ZNF479: variants seen among roughly 807,000 people sequenced by gnomAD.
ZNF479 encodes the protein zinc finger protein 479, also known as KRAB zinc finger protein KR19.
Under a neutral mutation model 14.7 loss-of-function variants are expected in ZNF479, and 15 were observed. The ratio of observed to expected loss-of-function variants is 1.02; its 90% CI spans 0.68 to 1.57. The LOEUF (loss-of-function observed/expected upper bound fraction) is 1.57, where lower values mean the gene tolerates loss of function less well. ZNF479 is among the 40% of genes most tolerant of loss of function. The probability of loss-of-function intolerance (pLI) is 0.00; values close to 1 mark genes in which losing one functional copy is unlikely to be tolerated. For missense variants in ZNF479, 506 were observed against 615.1 expected, an observed-to-expected ratio of 0.82 and a Z score of 1.88; for synonymous variants, 145 against 211.5, an observed-to-expected ratio of 0.69 and a Z score of 2.73.
In ZNF479 at chr7:57,120,336, T is replaced by C. The variant is rs781953037; in HGVS notation, c.1079A>G (p.Gln360Arg). 4.2e-5 allele frequency: 68 copies of C among 1,612,230 alleles called. 3 individuals are homozygous for C. In the South Asian group the frequency reaches 7.4e-4, roughly 17 times the overall value. Residue 360 changes from glutamine to arginine, a missense_variant, in exon 4 of 4, where the codon CAA (glutamine) becomes CGA (arginine). Physicochemically the swap from Gln to Arg is conservative, Grantham distance 43. Coordinates refer to ENST00000319636, the MANE Select transcript of ZNF479 (RefSeq NM_001370129.2). ...EKPYACEECG[Q>R]AFSLSSNLMR... ...AAGGTTCGAGGATAAGCTAAAGGCT[T>C]GGCCACATTCTTCACAGGCATAGGG...
chr7:57,125,297 T>C (rs1786110019), intron 3 of ZNF479, among the ~76,000 whole-genome samples: 2 of 152,078 alleles, frequency 1.3e-5, no homozygotes, highest in South Asian at 2.1e-4. Context: ...CTATGTAAGT[T>C]GTTTTTTATG....
chr7:57,126,596 G>T lies in ZNF479; in HGVS notation c.162C>A (p.Ser54=). ...VMLENYRNLV[S]LGIAVSKPDL... ...ATGTACTGAAGTTATCCTCACCCAG[G>T]GAGACCAGGTTTCTGTAGTTCTCTA... Residue 54 remains serine, a synonymous_variant, in exon 2 of 4, where the codon TCC becomes TCA. Transcript: ENST00000319636. The T allele has an allele frequency of 6.2e-7, 1 of 1,613,054 alleles. No homozygotes were observed. The highest frequency in any genetic ancestry group is 8.5e-7 in the Non-Finnish European group (1 of 1,179,744).
chr7:57,139,095 A>T (rs1399077664), intron 1 of ZNF479, among the ~76,000 whole-genome samples: 2 of 152,240 alleles, frequency 1.3e-5, no homozygotes, highest in Non-Finnish European at 2.9e-5. Flanking sequence ...CATGTGCCAT[A>T]TAAAACCCTC....
intron 1 of ZNF479, chr7:57,127,469 A>C: frequency 1.2e-6 from 1 of 840,102 alleles, no homozygotes; most frequent in Non-Finnish European, 1.4e-6. Flanking sequence ...ATTTTGTTTC[A>C]GGAGATTTCC....
At chr7:57,136,057 G>A (rs1454219173), upstream of ZNF479, among the ~76,000 whole-genome samples, 17 of 148,978 alleles carry the variant, frequency 1.1e-4, no homozygotes, top group South Asian at 4.3e-4. Context: ...ACCATCTTGC[G>A]CAGAGATCAC....
chr7:57,128,185 T>C (rs1451548278), intron 1 of ZNF479, among the ~76,000 whole-genome samples: 1 of 152,104 alleles, frequency 6.6e-6, no homozygotes, highest in African/African-American at 2.4e-5. Context: ...GTGATCCACC[T>C]GCCTCGGCCT....
chr7:57,127,570 G>A lies in ZNF479; in HGVS notation c.40-852C>T, dbSNP rs1786228898. On this transcript the variant is annotated intron_variant, in intron 1 of 3. Transcript: ENST00000319636. Reference sequence around the variant, plus strand: ...TGTCAAATATCCAGTAAATGGCAGAGTCTGGGTTTTTCCCAGTTTCTCTCA... The same window carrying A: ...TGTCAAATATCCAGTAAATGGCAGAATCTGGGTTTTTCCCAGTTTCTCTCA... 3 of 984,584 alleles carry A rather than the reference G, an allele frequency of 3.0e-6. No individual in the cohort carries two copies. In the South Asian group the frequency reaches 1.4e-4, roughly 46 times the overall value. The allele number at this position is 984,584 out of a possible 1,614,324, so 61.0% of individuals were successfully genotyped here. A position where few individuals can be genotyped will look rare whatever the true frequency, so the allele number is the denominator to read the frequency against.
chr7:57,130,368 A>G (rs34883076), intron 1 of ZNF479, among the ~76,000 whole-genome samples: 43,299 of 151,784 alleles, frequency 0.29, 7,126 homozygotes, highest in East Asian at 0.53. Flanking sequence ...AGCTACTCCA[A>G]AGGCTGAGGC....
At position 57,128,435 on chromosome 7, in the gene ZNF479, T is replaced by A. The variant is rs146281961; in HGVS notation, c.40-1717A>T. ...TTAAATGAGCATTTTCTAAACACTG[T>A]CCTGCATGGAACTAATAGAGCACAC... On this transcript the variant is annotated intron_variant, in intron 1 of 3. Transcript: ENST00000319636. Among the ~76,000 whole-genome samples, 27 of 152,316 alleles carry A rather than the reference T, an allele frequency of 1.8e-4. 1 individual carries two copies. In the East Asian group the frequency reaches 5.2e-3, roughly 29 times the overall value.
At position 57,119,538 on chromosome 7, in the gene ZNF479, C is replaced by G. The variant is rs1554399654; in HGVS notation, c.*302G>C. On this transcript the variant is annotated 3_prime_UTR_variant, in exon 4 of 4. Transcript: ENST00000319636. ...AGGAGAATCGCTTGAACCCGGAAGG[C>G]AGAGGTTACAGTGAGCTGAGATCAT... 7.2e-6 allele frequency: 2 copies of G among 279,642 alleles called. No individual in the cohort carries two copies. The highest frequency in any genetic ancestry group is 4.5e-5 in the African/African-American group (2 of 44,320). The allele number at this position is 279,642 out of a possible 1,614,324, so 17.3% of individuals were successfully genotyped here. A position where few individuals can be genotyped will look rare whatever the true frequency, so the allele number is the denominator to read the frequency against.
chr7:57,130,256 C>A (rs757658150), intron 1 of ZNF479, among the ~76,000 whole-genome samples: 2 of 152,246 alleles, frequency 1.3e-5, no homozygotes, highest in Non-Finnish European at 1.5e-5. Flanking sequence ...GGGAAGATCA[C>A]GAGTTCAGGG....
upstream of ZNF479, among the ~76,000 whole-genome samples, chr7:57,135,772 G>A (rs1786618475): frequency 6.6e-6 from 1 of 152,130 alleles, no homozygotes; most frequent in Non-Finnish European, 1.5e-5. Context: ...ACAGAATTAG[G>A]TGAGTACAGA....
chr7:57,126,171 T>C, intron 2 of ZNF479, 58 bp from the exon 3 acceptor site: 2 of 1,498,404 alleles, frequency 1.3e-6, no homozygotes, highest in Non-Finnish European at 1.8e-6. Context: ...AATTACCAAA[T>C]TAGTATTATG....
intron 1 of ZNF479, among the ~76,000 whole-genome samples, chr7:57,137,884 A>C (rs867906356): frequency 1.3e-5 from 2 of 152,130 alleles, no homozygotes; most frequent in Non-Finnish European, 1.5e-5. Flanking sequence ...TATCTTTAGG[A>C]CCATCACCTA....
chr7:57,128,514 G>A (rs1222351035), intron 1 of ZNF479, among the ~76,000 whole-genome samples: 1 of 152,002 alleles, frequency 6.6e-6, no homozygotes, highest in African/African-American at 2.4e-5. Context: ...CAAAGACAAC[G>A]GTATTTCCCC....
intron 1 of ZNF479, among the ~76,000 whole-genome samples, chr7:57,130,431 C>T (rs1447954592): frequency 6.6e-6 from 1 of 151,518 alleles, no homozygotes; most frequent in African/African-American, 2.4e-5. Flanking sequence ...TGAGACCGCA[C>T]CACTGCACTC....
chr7:57,119,814 A>AT lies in ZNF479; in HGVS notation c.*25_*26insA. 2 of 1,580,128 alleles carry AT rather than the reference A, an allele frequency of 1.3e-6. No homozygotes were observed. Among genetic ancestry groups the AT allele is most frequent in the Non-Finnish European group, 1.7e-6 (2 of 1,157,030 alleles). On this transcript the variant is annotated 3_prime_UTR_variant, in exon 4 of 4. Coordinates refer to ENST00000319636, the MANE Select transcript of ZNF479 (RefSeq NM_001370129.2). The stretch of plus-strand genomic sequence containing the variant: ...CAGTGTAAATTATTTTATGTATTAT[A>AT]AGGCCTGAGGGTGGACTTTGCCATA...
At chr7:57,127,033 T>TC in intron 1 of ZNF479, among the ~76,000 whole-genome samples, 1 of 148,980 alleles carries the variant, frequency 6.7e-6, no homozygotes, top group East Asian at 2.0e-4. Flanking sequence ...TTTCTTTTTT[T>TC]TTTTTTTGAG....
At chr7:57,135,309 A>G (rs1441968075), upstream of ZNF479, among the ~76,000 whole-genome samples, 4 of 152,204 alleles carry the variant, frequency 2.6e-5, no homozygotes, top group East Asian at 5.8e-4. Flanking sequence ...GTCTTTCCTA[A>G]AATTTAGGGG....
Sources: gnomAD v4.1 joint callset for allele counts (sites outside exome capture counted in the v4.1 genomes callset) on GRCh38, gnomAD v4.1.1 for gene constraint, MANE v1.5 for transcripts, NCBI Gene and HGNC (gene_info 2026-07-23, HGNC 2026-07-21) for gene names.